NELL1: variants seen among roughly 807,000 people sequenced by gnomAD.
NELL1 encodes the protein protein kinase C-binding protein NELL1.
Under a neutral mutation model 107.4 loss-of-function variants are expected in NELL1, and 76 were observed. The ratio of observed to expected loss-of-function variants is 0.71; its 90% confidence interval spans 0.59 to 0.86. The LOEUF is 0.86. Ranked by LOEUF, NELL1 falls within the 40% of genes least tolerant of loss-of-function variation. The probability of loss-of-function intolerance (pLI) is 0.00; values close to 1 mark genes in which losing one functional copy is unlikely to be tolerated. For missense variants in NELL1, 1,024 were observed against 1,005.5 expected, an observed-to-expected ratio of 1.02 and a Z score of -0.25; for synonymous variants, 353 against 341.2, an observed-to-expected ratio of 1.03 and a Z score of -0.38.
chr11:21,550,952 G>A (rs1478759402), intron 16 of NELL1, among the ~76,000 whole-genome samples: 68 of 151,018 alleles, frequency 4.5e-4, no homozygotes, highest in Non-Finnish European at 6.9e-4. Context: ...TTTTCACGAT[G>A]TTGATTCTTC....
chr11:21,566,626 A>G (rs768235942), intron 17 of NELL1, among the ~76,000 whole-genome samples: 13 of 151,786 alleles, frequency 8.6e-5, no homozygotes, highest in Non-Finnish European at 1.8e-4. Flanking sequence ...ATAAGTAGGG[A>G]TTGTTCAAAC....
intron 7 of NELL1, among the ~76,000 whole-genome samples, chr11:20,920,912 C>T (rs1290122310): frequency 1.3e-5 from 2 of 152,032 alleles, no homozygotes; most frequent in Non-Finnish European, 2.9e-5. Context: ...TTCTAAACCT[C>T]CCTTTGGCAC....
At chr11:21,362,999 C>T (rs566470428) in intron 14 of NELL1, among the ~76,000 whole-genome samples, 87 of 149,294 alleles carry the variant, frequency 5.8e-4, no homozygotes, top group African/African-American at 2.1e-3. Context: ...ATACAGTTGG[C>T]GAGACCAGTC....
At chr11:21,437,527 T>C (rs1483097274) in intron 15 of NELL1, among the ~76,000 whole-genome samples, 2 of 152,030 alleles carry the variant, frequency 1.3e-5, no homozygotes, top group Non-Finnish European at 2.9e-5. Flanking sequence ...ACCTGGCTAA[T>C]TTTGTATTTT....
intron 17 of NELL1, among the ~76,000 whole-genome samples, chr11:21,561,797 C>A (rs573624351): frequency 6.6e-6 from 1 of 152,012 alleles, no homozygotes; most frequent in Non-Finnish European, 1.5e-5. Context: ...ACTGGTGAGA[C>A]ATTCCTTCAA....
At chr11:20,883,121 AT>A (rs11341304) in intron 4 of NELL1, among the ~76,000 whole-genome samples, 132,007 of 152,236 alleles carry the variant, frequency 0.87, 57,282 homozygotes, top group East Asian at 0.94. Context: ...CTTGGAACAG[AT>A]TTGGCAGGGC....
intron 2 of NELL1, among the ~76,000 whole-genome samples, chr11:20,774,237 C>G (rs1856703441): frequency 8.0e-6 from 1 of 124,912 alleles, no homozygotes; most frequent in Non-Finnish European, 1.7e-5. Context: ...TTCCTTCCTT[C>G]CTTTCCTCCC....
chr11:20,975,971 A>T (rs57692447), intron 12 of NELL1, among the ~76,000 whole-genome samples: 3 of 142,888 alleles, frequency 2.1e-5, no homozygotes, highest in Non-Finnish European at 4.5e-5. Context: ...TATACATTAT[A>T]TATATTATAT....
chr11:21,341,907 T>A (rs1387591249), intron 14 of NELL1, among the ~76,000 whole-genome samples: 1 of 152,204 alleles, frequency 6.6e-6, no homozygotes, highest in Non-Finnish European at 1.5e-5. Context: ...TCACGTTTTC[T>A]AAACATTTCC....
chr11:21,163,328 G>A lies in NELL1; in HGVS notation c.1426+49614G>A, dbSNP rs545466416. Among the ~76,000 whole-genome samples, 3 of 152,252 alleles carry A rather than the reference G, an allele frequency of 2.0e-5. No individual in the cohort carries two copies. In the South Asian group the frequency reaches 6.2e-4, roughly 32 times the overall value. ...TGCTTTTACAGTCTTGTTGAGAATG[G>A]GTGGAGCATGGCGGGAAGATGATCT... On this transcript the variant is annotated intron_variant, in intron 13 of 19. Coordinates refer to ENST00000357134, the MANE Select transcript of NELL1 (RefSeq NM_006157.5).
At chr11:20,969,459 C>A (rs1310282245) in intron 12 of NELL1, among the ~76,000 whole-genome samples, 1 of 151,838 alleles carries the variant, frequency 6.6e-6, no homozygotes, top group Non-Finnish European at 1.5e-5. Context: ...GTCTTCAAAC[C>A]ATTAAATTCC....
In NELL1 at chr11:21,327,161, TG is replaced by T. The variant is rs760518605; in HGVS notation, c.1550-43691del. 1.1e-4 allele frequency among the ~76,000 whole-genome samples: 7 copies of T among 61,956 alleles called. No individual in the cohort carries two copies. In the East Asian group the frequency reaches 1.4e-3, roughly 12 times the overall value. The allele number at this position is 61,956 out of a possible 152,430, so 40.6% of individuals were successfully genotyped here. Reference sequence around the variant, plus strand: ...GACAGTGAGTTCTCATGAGATCTGATGTTTTTTTTTTTTTTTTGTGGGGGGG... The same window carrying T: ...GACAGTGAGTTCTCATGAGATCTGATTTTTTTTTTTTTTTTTGTGGGGGGG... On this transcript the variant is annotated intron_variant, in intron 14 of 19. Coordinates refer to ENST00000357134, the MANE Select transcript of NELL1 (RefSeq NM_006157.5).
At chr11:20,711,597 AT>A (rs1279409622) in intron 2 of NELL1, among the ~76,000 whole-genome samples, 33 of 148,730 alleles carry the variant, frequency 2.2e-4, no homozygotes, top group East Asian at 3.9e-4. Context: ...TCTCTAAGCA[AT>A]TTTTTTTTTG....
chr11:21,039,200 C>G (rs781439204), intron 12 of NELL1, among the ~76,000 whole-genome samples: 1 of 151,472 alleles, frequency 6.6e-6, no homozygotes, highest in Non-Finnish European at 1.5e-5. Context: ...TTTTTTTCTC[C>G]GAGACAGAGT....
intron 2 of NELL1, among the ~76,000 whole-genome samples, chr11:20,684,792 A>G (rs1370297738): frequency 6.6e-6 from 1 of 152,198 alleles, no homozygotes; most frequent in East Asian, 1.9e-4. Context: ...TGCTAGTGCT[A>G]GTAGTTAGGG....
At chr11:21,183,200 T>C (rs1025431462) in intron 13 of NELL1, among the ~76,000 whole-genome samples, 1 of 151,878 alleles carries the variant, frequency 6.6e-6, no homozygotes, top group African/African-American at 2.4e-5. Context: ...TATAATCTTA[T>C]ACGTTTTTTA....
At chr11:21,497,645 A>C (rs925901866) in intron 15 of NELL1, among the ~76,000 whole-genome samples, 3 of 152,120 alleles carry the variant, frequency 2.0e-5, no homozygotes, top group African/African-American at 7.2e-5. Context: ...AAGAAAAAAA[A>C]TATGCTTGGT....
At chr11:20,716,542 G>A (rs1855254064) in intron 2 of NELL1, among the ~76,000 whole-genome samples, 1 of 152,070 alleles carries the variant, frequency 6.6e-6, no homozygotes, top group African/African-American at 2.4e-5. Context: ...GAAAGCATTC[G>A]ATCCATGTCC....
intron 2 of NELL1, among the ~76,000 whole-genome samples, chr11:20,737,112 A>G (rs1465791769): frequency 1.3e-5 from 2 of 151,450 alleles, no homozygotes; most frequent in Non-Finnish European, 2.9e-5. Flanking sequence ...TCCCTACGTT[A>G]TTTATTTATT....
Sources: allele counts gnomAD v4.1 joint callset (sites outside exome capture counted in the v4.1 genomes callset), GRCh38; gene constraint gnomAD v4.1.1; transcripts MANE v1.5; gene names NCBI Gene and HGNC (gene_info 2026-07-23, HGNC 2026-07-21).